Variants in GPC1 observed in about 807,000 individuals in gnomAD.
GPC1 encodes glypican-1.
GPC1 carries 26 observed loss-of-function variants against 51.5 expected under a neutral mutation model. The ratio of observed to expected loss-of-function variants is 0.50; its 90% confidence interval spans 0.37 to 0.70. GPC1 has a LOEUF of 0.70. Ranked by LOEUF, GPC1 falls within the 30% of genes least tolerant of loss-of-function variation. The probability of loss-of-function intolerance (pLI) is 0.00; values close to 1 mark genes in which losing one functional copy is unlikely to be tolerated. For missense variants in GPC1, 775 were observed against 800.5 expected, an observed-to-expected ratio of 0.97 and a Z score of 0.38; for synonymous variants, 380 against 348.3, an observed-to-expected ratio of 1.09 and a Z score of -1.01.
chr2:240,450,317 G>T, intron 1 of GPC1: 1 of 337,206 alleles, frequency 3.0e-6, no homozygotes, highest in Non-Finnish European at 5.8e-6. Flanking sequence ...GTCAGCTCCT[G>T]CTTCAGCCTT....
intron 1 of GPC1, among the ~76,000 whole-genome samples, chr2:240,457,699 G>A (rs2074179840): frequency 6.6e-6 from 1 of 152,122 alleles, no homozygotes; most frequent in African/African-American, 2.4e-5. Context: ...CCTCTGCCCG[G>A]GCTGACCCCG....
chr2:240,437,738 C>T (rs958296209), intron 1 of GPC1, among the ~76,000 whole-genome samples: 12 of 152,176 alleles, frequency 7.9e-5, no homozygotes, highest in African/African-American at 2.7e-4. Context: ...GGCTGCCCCT[C>T]CCAGCCCAGA....
Position 240,462,187 on chromosome 2 carries a change from G to T in GPC1, c.326-4G>T. 6.3e-7 allele frequency: 1 copy of T among 1,582,462 alleles called. No homozygotes were observed. The highest frequency in any genetic ancestry group is 2.3e-5 in the East Asian group (1 of 44,304). ...TCCCGATCACGCCCCCTCCCTGTGC[G>T]CAGACCACTTCCAGCACCTGCTGAA... is the stretch of plus-strand genomic sequence containing the variant. On this transcript the variant is annotated splice_region_variant and splice_polypyrimidine_tract_variant and intron_variant, in intron 2 of 8. Coordinates refer to ENST00000264039, the MANE Select transcript of GPC1 (RefSeq NM_002081.3).
chr2:240,437,844 C>T (rs1198666295), intron 1 of GPC1, among the ~76,000 whole-genome samples: 1 of 152,226 alleles, frequency 6.6e-6, no homozygotes, highest in Admixed American at 6.5e-5. Flanking sequence ...GCCAACCTAA[C>T]CTTCCTTGCA....
chr2:240,465,979 G>A, intron 8 of GPC1, 79 bp from the exon 9 acceptor site: 1 of 664,578 alleles, frequency 1.5e-6, no homozygotes, highest in Non-Finnish European at 2.4e-6. Flanking sequence ...GGGGTCACCT[G>A]GCACGGGCCC....
chr2:240,440,402 G>T (rs1321888535), intron 1 of GPC1, among the ~76,000 whole-genome samples: 1 of 152,218 alleles, frequency 6.6e-6, no homozygotes, highest in African/African-American at 2.4e-5. Flanking sequence ...ATTGACCACT[G>T]CCCAGTAAAG....
chr2:240,448,195 G>T lies in GPC1; in HGVS notation c.167-10835G>T, dbSNP rs898523867. ...AGGAAGGGCAGGAGATGCTGGCCCC[G>T]GGTCTGGACAGCTGCCCTCATAGGG... On this transcript the variant is annotated intron_variant, in intron 1 of 8. Coordinates refer to ENST00000264039, the MANE Select transcript of GPC1 (RefSeq NM_002081.3). The surrounding 1 kb of genome is among the most constrained non-coding windows in gnomAD (Gnocchi z 4.5). Among the ~76,000 whole-genome samples the T allele has an allele frequency of 6.6e-6, 1 of 152,134 alleles. No individual in the cohort carries two copies. The highest frequency in any genetic ancestry group is 1.5e-5 in the Non-Finnish European group (1 of 68,008).
intron 4 of GPC1, chr2:240,463,857 C>T (rs1039608133): frequency 6.1e-6 from 2 of 325,368 alleles, no homozygotes; most frequent in Non-Finnish European, 1.1e-5. Context: ...CATGCACCGT[C>T]ACATGACAGG....
At chr2:240,460,923 C>T (rs1424984761) in intron 2 of GPC1, among the ~76,000 whole-genome samples, 4 of 152,116 alleles carry the variant, frequency 2.6e-5, no homozygotes, top group African/African-American at 4.8e-5. Context: ...CAGTGGGAGG[C>T]GGTAGGAGGG....
intron 3 of GPC1, among the ~76,000 whole-genome samples, chr2:240,463,093 C>T (rs2074230507): frequency 6.6e-6 from 1 of 151,196 alleles, no homozygotes; most frequent in South Asian, 2.1e-4. Flanking sequence ...CTGGGCAAGT[C>T]ATGCCTTGGT....
intron 1 of GPC1, among the ~76,000 whole-genome samples, chr2:240,438,649 T>A (rs1366991404): frequency 1.3e-5 from 2 of 152,196 alleles, no homozygotes; most frequent in East Asian, 3.8e-4. Context: ...AGGAGAGCAG[T>A]TGGCCCTGGG....
chr2:240,439,999 C>G (rs1323362011), intron 1 of GPC1, among the ~76,000 whole-genome samples: 1 of 152,234 alleles, frequency 6.6e-6, no homozygotes, highest in Admixed American at 6.5e-5. Flanking sequence ...ACTCCTCAGG[C>G]ACAGATGCCC....
chr2:240,436,239 C>T (rs904797674), intron 1 of GPC1, among the ~76,000 whole-genome samples, 155 bp downstream of exon 1: 12 of 152,052 alleles, frequency 7.9e-5, no homozygotes, highest in Non-Finnish European at 1.3e-4. Flanking sequence ...TGCGGCTCCT[C>T]TGCAACCCCA....
chr2:240,455,381 C>T (rs1288808553), intron 1 of GPC1, among the ~76,000 whole-genome samples: 6 of 152,122 alleles, frequency 3.9e-5, no homozygotes, highest in South Asian at 2.1e-4. Flanking sequence ...CCTGGCCCAG[C>T]GGGGAGCAGG....
At chr2:240,440,927 C>T (rs951177111) in intron 1 of GPC1, among the ~76,000 whole-genome samples, 17 of 152,268 alleles carry the variant, frequency 1.1e-4, no homozygotes, top group Non-Finnish European at 2.4e-4. Flanking sequence ...CTGTTCCCAG[C>T]GTGTGCCACG....
intron 4 of GPC1, chr2:240,463,875 A>C: frequency 3.3e-6 from 1 of 299,482 alleles, no homozygotes; most frequent in East Asian, 7.8e-5. Flanking sequence ...AGGCTGACAC[A>C]TGCGAACTGG....
intron 1 of GPC1, among the ~76,000 whole-genome samples, chr2:240,453,519 G>A (rs1484844426): frequency 1.2e-5 from 1 of 86,648 alleles, no homozygotes; most frequent in Admixed American, 1.3e-4. Flanking sequence ...CCCCCTCCCC[G>A]GGCCGTCGCA....
chr2:240,466,992 G>A lies in GPC1; in HGVS notation c.*702G>A, dbSNP rs1170558788. On this transcript the variant is annotated 3_prime_UTR_variant, in exon 9 of 9. Transcript: ENST00000264039. ...GATGAGGGGCCACTGACCCACCTGC[G>A]CTTCTGCTGGAGGAGGGGAAGCTGG... is the stretch of plus-strand genomic sequence containing the variant. 7 of 152,410 alleles carry A rather than the reference G, an allele frequency of 4.6e-5. No homozygotes were observed. The highest frequency in any genetic ancestry group is 3.4e-3 in the Middle Eastern group (1 of 296). 9.4% of individuals were successfully genotyped at this position (152,410 alleles called of 1,614,324 possible).
Position 240,448,400 on chromosome 2 carries a change from A to AGGTGTAGATAGTCCCTGCCAGGCAGTCCG in GPC1, c.167-10622_167-10621insTAGTCCCTGCCAGGCAGTCCGGGTGTAGA, listed in dbSNP as rs71046001. Among the ~76,000 whole-genome samples, 1 of 150,468 alleles carries AGGTGTAGATAGTCCCTGCCAGGCAGTCCG rather than the reference A, an allele frequency of 6.6e-6. No individual in the cohort carries two copies. The stretch of plus-strand genomic sequence containing the variant: ...GTAGATAGTCCCTGCCAGGCAGTCC[A>AGGTGTAGATAGTCCCTGCCAGGCAGTCCG]GGTGTAGACAGTCCCTGCCAGGCAG... On this transcript the variant is annotated intron_variant, in intron 1 of 8. Coordinates refer to ENST00000264039, the MANE Select transcript of GPC1 (RefSeq NM_002081.3). The surrounding 1 kb of genome is among the most constrained non-coding windows in gnomAD (Gnocchi z 4.5).
Sources: allele counts gnomAD v4.1 joint callset (sites outside exome capture counted in the v4.1 genomes callset), GRCh38; gene constraint gnomAD v4.1.1; non-coding constraint Gnocchi (gnomAD v3.1); transcripts MANE v1.5; gene names NCBI Gene and HGNC (gene_info 2026-07-23, HGNC 2026-07-21).